Variants in KDM4C observed in about 807,000 individuals in gnomAD.
The protein encoded by KDM4C is lysine-specific demethylase 4C.
KDM4C carries 81 observed loss-of-function variants against 129.3 expected under a neutral mutation model. The observed-to-expected ratio is 0.63, with a 90% CI of 0.52 to 0.75. The LOEUF is 0.75. KDM4C is among the 30% of genes least tolerant of loss of function. The probability of loss-of-function intolerance (pLI) is 0.00; values close to 1 mark genes in which losing one functional copy is unlikely to be tolerated. For missense variants in KDM4C, 1,457 were observed against 1,304.0 expected, an observed-to-expected ratio of 1.12 and a Z score of -1.81; for synonymous variants, 573 against 456.1, an observed-to-expected ratio of 1.26 and a Z score of -3.26.
chr9:7,174,571 C>G lies in KDM4C; in HGVS notation c.3013C>G (p.Arg1005Gly), dbSNP rs544828562. The change falls in exon 22 of 22, where the codon CGA (arginine) becomes GGA (glycine). Residue 1005 changes from arginine (R) to glycine (G), a missense_variant. Physicochemically the swap from Arg to Gly is moderately radical, Grantham distance 125. Transcript: ENST00000381309. ...KARFSTASDMRFEDTFYGADI... is the reference protein window; with the variant it reads ...KARFSTASDMGFEDTFYGADI... ...CTTTTAGTCCACAGCCTCTGACATGCGATTTGAAGACACGTTTTATGGAGC... is the reference window on the plus strand; with the variant it reads ...CTTTTAGTCCACAGCCTCTGACATGGGATTTGAAGACACGTTTTATGGAGC... The G allele has an allele frequency of 1.2e-6, 2 of 1,614,030 alleles. No individual in the cohort carries two copies. The highest frequency in any genetic ancestry group is 1.6e-4 in the Middle Eastern group (1 of 6,062).
At chr9:7,137,870 C>A (rs1400121185) in intron 19 of KDM4C, among the ~76,000 whole-genome samples, 1 of 152,122 alleles carries the variant, frequency 6.6e-6, no homozygotes, top group Non-Finnish European at 1.5e-5. Flanking sequence ...TCCTTTTCGA[C>A]CATGGGATTT....
At chr9:6,892,717 T>C (rs1013752587) in intron 7 of KDM4C, among the ~76,000 whole-genome samples, 1 of 152,216 alleles carries the variant, frequency 6.6e-6, no homozygotes, top group Admixed American at 6.5e-5. Context: ...ACAATGTCAG[T>C]TATTATATGA....
chr9:6,923,396 C>T (rs1014140488), intron 8 of KDM4C, among the ~76,000 whole-genome samples: 1 of 151,932 alleles, frequency 6.6e-6, no homozygotes, highest in Non-Finnish European at 1.5e-5. Context: ...TTTATACTGA[C>T]TTTTTTTCTG....
In KDM4C at chr9:6,975,875, T is replaced by G. The variant is rs553599268; in HGVS notation, c.922-5050T>G. ...TAACATAGCAAAACCCCGTCTCTAC[T>G]AAAAATACAAAAATTAGCCGAGCGT... On this transcript the variant is annotated intron_variant, in intron 8 of 21. Coordinates refer to ENST00000381309, the MANE Select transcript of KDM4C (RefSeq NM_015061.6). Among the ~76,000 whole-genome samples the G allele has an allele frequency of 1.7e-3, 261 of 152,230 alleles. 4 individuals carry two copies. Among genetic ancestry groups the G allele is most frequent in the African/African-American group, 5.7e-3 (236 of 41,540 alleles).
At chr9:6,874,009 T>A (rs1479129888) in intron 5 of KDM4C, among the ~76,000 whole-genome samples, 1 of 149,642 alleles carries the variant, frequency 6.7e-6, no homozygotes, top group Non-Finnish European at 1.5e-5. Context: ...AACACACACA[T>A]TTATTATGTT....
rs962747521 is a variant in KDM4C at position 6,758,168 on chromosome 9, C to A, written c.-53C>A. On this transcript the variant is annotated 5_prime_UTR_variant, in exon 1 of 22. Transcript: ENST00000381309. This position sits in a 1 kb window ranked among gnomAD's most constrained non-coding sequence, Gnocchi z 4.6. Reference sequence around the variant, plus strand: ...AGGCCACTGTCTTCTCTTCCTCCTCCACCGAGTCGTGCTCTCGCCCCAACC... The same window carrying A: ...AGGCCACTGTCTTCTCTTCCTCCTCAACCGAGTCGTGCTCTCGCCCCAACC... 3.1e-5 allele frequency: 31 copies of A among 985,938 alleles called. No homozygotes were observed. Among genetic ancestry groups the A allele is most frequent in the Non-Finnish European group, 3.7e-5 (31 of 830,462 alleles). 61.1% of individuals were successfully genotyped at this position (985,938 alleles called of 1,614,324 possible). A position where few individuals can be genotyped will look rare whatever the true frequency, so the allele number is the denominator to read the frequency against.
intron 8 of KDM4C, among the ~76,000 whole-genome samples, chr9:6,913,480 G>A (rs1226357275): frequency 6.6e-6 from 1 of 152,200 alleles, no homozygotes; most frequent in Non-Finnish European, 1.5e-5. Context: ...GCGCCAGCTG[G>A]TGAAGAATAC....
intron 17 of KDM4C, among the ~76,000 whole-genome samples, chr9:7,075,747 C>G (rs1190225768): frequency 6.6e-6 from 1 of 152,032 alleles, no homozygotes; most frequent in Non-Finnish European, 1.5e-5. Context: ...TCAGGAAGGA[C>G]AAGCTGGTGA....
At chr9:6,883,678 C>G (rs537996155) in intron 6 of KDM4C, among the ~76,000 whole-genome samples, 2 of 152,140 alleles carry the variant, frequency 1.3e-5, no homozygotes, top group South Asian at 4.2e-4. Flanking sequence ...AGGAAGAATT[C>G]AGGAAATGAA....
At chr9:6,854,525 CAAAAAAA>C (rs1177446839) in intron 5 of KDM4C, among the ~76,000 whole-genome samples, 2 of 41,364 alleles carry the variant, frequency 4.8e-5, no homozygotes, top group Non-Finnish European at 9.0e-5. Flanking sequence ...AACTCCGTCT[CAAAAAAA>C]AAAAAAAAAA....
intron 19 of KDM4C, among the ~76,000 whole-genome samples, chr9:7,142,564 A>T (rs138407145): frequency 1.2e-4 from 18 of 152,338 alleles, no homozygotes; most frequent in African/African-American, 4.1e-4. Context: ...CGAGTCTTGA[A>T]CATCTCTCAT....
chr9:7,009,006 A>C (rs1263504412), intron 12 of KDM4C, among the ~76,000 whole-genome samples: 2 of 152,258 alleles, frequency 1.3e-5, no homozygotes, highest in African/African-American at 4.8e-5. Flanking sequence ...ACATGACACC[A>C]CTGAGGGAAC....
intron 1 of KDM4C, among the ~76,000 whole-genome samples, chr9:6,733,348 G>A (rs1817412706): frequency 6.6e-6 from 1 of 152,218 alleles, no homozygotes; most frequent in African/African-American, 2.4e-5. Context: ...AAATTGATCT[G>A]CTCATTGGCT....
chr9:7,052,402 A>G (rs1162569089), intron 17 of KDM4C, among the ~76,000 whole-genome samples: 6 of 152,248 alleles, frequency 3.9e-5, no homozygotes, highest in Non-Finnish European at 7.3e-5. Context: ...AATAAAAGGC[A>G]GCAAATCATT....
chr9:7,129,358 G>A (rs1840370173), intron 19 of KDM4C, among the ~76,000 whole-genome samples: 1 of 152,132 alleles, frequency 6.6e-6, no homozygotes, highest in African/African-American at 2.4e-5. Context: ...AAACAAAAGT[G>A]ACCTTATTTG....
At chr9:7,085,113 C>A (rs1270113836) in intron 17 of KDM4C, among the ~76,000 whole-genome samples, 2 of 152,176 alleles carry the variant, frequency 1.3e-5, no homozygotes, top group Non-Finnish European at 2.9e-5. Context: ...TGGAAAGGCA[C>A]TCAGCACAGC....
chr9:6,946,293 T>A (rs1254487242), intron 8 of KDM4C, among the ~76,000 whole-genome samples: 1 of 152,134 alleles, frequency 6.6e-6, no homozygotes, highest in Non-Finnish European at 1.5e-5. Context: ...TTTAATTTTA[T>A]TTTTTATTAA....
chr9:6,949,574 T>TC (rs2048962150), intron 8 of KDM4C, among the ~76,000 whole-genome samples: 1 of 152,186 alleles, frequency 6.6e-6, no homozygotes, highest in Non-Finnish European at 1.5e-5. Context: ...TGAACGAGAC[T>TC]CCATCTGCAA....
chr9:7,115,919 G>A (rs563242714), intron 18 of KDM4C, among the ~76,000 whole-genome samples: 10 of 152,172 alleles, frequency 6.6e-5, no homozygotes, highest in Non-Finnish European at 1.3e-4. Context: ...GGGAAAATGG[G>A]TAGTTTCTTC....
Sources: gnomAD v4.1 joint callset for allele counts (sites outside exome capture counted in the v4.1 genomes callset) on GRCh38, gnomAD v4.1.1 for gene constraint, Gnocchi (gnomAD v3.1) non-coding constraint, MANE v1.5 for transcripts, NCBI Gene and HGNC (gene_info 2026-07-23, HGNC 2026-07-21) for gene names.